IFT122: variants seen among roughly 807,000 people sequenced by gnomAD.
IFT122 encodes the protein intraflagellar transport protein 122 homolog.
IFT122 carries 118 observed loss-of-function variants against 161.6 expected under a neutral mutation model. That is an observed-to-expected ratio of 0.73 (90% CI 0.63 to 0.85). IFT122 has a LOEUF of 0.85. Among genes scored for constraint, IFT122 ranks in the 40% least tolerant of loss-of-function variants. IFT122 has a pLI of 0.00. For missense variants in IFT122, 1,381 were observed against 1,579.6 expected (o/e 0.87, Z 2.13); for synonymous variants, 550 against 602.4 (o/e 0.91, Z 1.27).
intron 13 of IFT122, among the ~76,000 whole-genome samples, chr3:129,481,035 G>A (rs1179572302): frequency 6.6e-6 from 1 of 152,146 alleles, no homozygotes; most frequent in Non-Finnish European, 1.5e-5. Context: ...ACTGCGATCA[G>A]CCTGGGCAAC....
chr3:129,490,747 G>A (rs56097652), intron 16 of IFT122, among the ~76,000 whole-genome samples: 20,184 of 152,170 alleles, frequency 0.13, 1,714 homozygotes, highest in South Asian at 0.24. Context: ...CTCTCAAGGC[G>A]CTTTAAGGAA....
Position 129,500,033 on chromosome 3 carries a change from C to G in IFT122, c.2340C>G (p.Ala780=). ...TCTCAGCAGGAGAGCACGTCAAGGC[C>G]ATCGAGATCTGTGGTGACCATGGCT... ...MYISAGEHVK[A]IEICGDHGWV... is the part of the protein sequence containing the mutation. The change falls in exon 19 of 30, where the codon GCC becomes GCG. Residue 780 remains alanine (A), a synonymous_variant. Transcript: ENST00000348417. 1 of 1,614,218 alleles carries G rather than the reference C, an allele frequency of 6.2e-7. No homozygotes were observed.
intron 1 of IFT122, among the ~76,000 whole-genome samples, chr3:129,447,135 A>C (rs1039183545): frequency 6.6e-6 from 1 of 152,176 alleles, no homozygotes; most frequent in Non-Finnish European, 1.5e-5. Flanking sequence ...TGGCAAGAAG[A>C]GTCAAACTGC....
rs1341297804 is a variant in IFT122, at chr3:129,483,550, A to C, written c.1719A>C (p.Gly573=). The C allele has an allele frequency of 3.1e-6, 5 of 1,613,894 alleles. No homozygotes were observed. The highest frequency in any genetic ancestry group is 2.7e-5 in the African/African-American group (2 of 74,862). Residue 573 remains glycine (G), a synonymous_variant, in exon 15 of 30, where the codon GGA becomes GGC. Coordinates refer to ENST00000348417, the MANE Select transcript of IFT122 (RefSeq NM_052989.3). The part of the protein sequence containing the change: ...QCEDMLCFSG[G]GYLNIKASTF... ...AGGACATGCTCTGCTTCTCGGGAGGAGGCTACCTCAACATCAAAGCCAGCA... is the reference window on the plus strand; with the variant it reads ...AGGACATGCTCTGCTTCTCGGGAGGCGGCTACCTCAACATCAAAGCCAGCA...
chr3:129,509,991 A>C (rs529817221), intron 23 of IFT122, among the ~76,000 whole-genome samples: 2 of 152,340 alleles, frequency 1.3e-5, no homozygotes, highest in East Asian at 3.9e-4. Flanking sequence ...CCTAGGTGGC[A>C]GCTATCCTTA....
At chr3:129,462,813 T>TG (rs1280890516) in intron 5 of IFT122, among the ~76,000 whole-genome samples, 3 of 152,194 alleles carry the variant, frequency 2.0e-5, no homozygotes, top group Non-Finnish European at 4.4e-5. Flanking sequence ...CCAGGGCATC[T>TG]GGGACAGGGG....
intron 9 of IFT122, among the ~76,000 whole-genome samples, chr3:129,474,207 GT>G: frequency 6.6e-6 from 1 of 152,264 alleles, no homozygotes; most frequent in Non-Finnish European, 1.5e-5. Context: ...TTTATAATCT[GT>G]TCAAAATTGG....
intron 23 of IFT122, 25 bp from the exon 24 acceptor site, chr3:129,512,287 C>T (rs1477083303): frequency 1.9e-6 from 3 of 1,544,476 alleles, no homozygotes; most frequent in African/African-American, 2.7e-5. Flanking sequence ...GAACTCAATC[C>T]CTGTTTGCTT....
intron 8 of IFT122, 81 bp downstream of exon 8, chr3:129,467,147 CTT>C (rs1471843112): frequency 1.4e-6 from 2 of 1,406,614 alleles, no homozygotes; most frequent in East Asian, 4.8e-5. Flanking sequence ...ATGTTAAACT[CTT>C]TGGCCAAGGG....
chr3:129,498,653 A>G (rs1454404412), intron 18 of IFT122, among the ~76,000 whole-genome samples: 2 of 152,218 alleles, frequency 1.3e-5, no homozygotes, highest in East Asian at 1.9e-4. Flanking sequence ...CAAATGAGGG[A>G]AAAAAGCGAG....
At chr3:129,451,271 ATT>A (rs562100319) in intron 2 of IFT122, among the ~76,000 whole-genome samples, 1 of 150,148 alleles carries the variant, frequency 6.7e-6, no homozygotes, top group African/African-American at 2.5e-5. Flanking sequence ...CCTAATTTTT[ATT>A]TTTTTTTATT....
At chr3:129,466,215 T>C (rs1398306146) in intron 7 of IFT122, among the ~76,000 whole-genome samples, 1 of 152,210 alleles carries the variant, frequency 6.6e-6, no homozygotes, top group Non-Finnish European at 1.5e-5. Context: ...CTCAATGTCA[T>C]TTTACAGATG....
chr3:129,474,788 C>G (rs1020494752), intron 9 of IFT122, among the ~76,000 whole-genome samples: 1 of 152,254 alleles, frequency 6.6e-6, no homozygotes, highest in East Asian at 1.9e-4. Context: ...AGAGAAAAGA[C>G]AACCCACAGA....
chr3:129,517,183 GAGACTGCCCCTACACACACACAC>G (rs1560026912), intron 26 of IFT122, among the ~76,000 whole-genome samples: 13 of 131,018 alleles, frequency 9.9e-5, no homozygotes, highest in South Asian at 2.5e-4. Flanking sequence ...CACACACACA[GAGACTGCCCCTACACACACACAC>G]AGACTGCCCC....
At chr3:129,471,423 ATTC>A (rs1277027842) in intron 9 of IFT122, among the ~76,000 whole-genome samples, 2 of 152,152 alleles carry the variant, frequency 1.3e-5, no homozygotes, top group Non-Finnish European at 2.9e-5. Flanking sequence ...GTACATCATC[ATTC>A]AACAGATACT....
intron 1 of IFT122, among the ~76,000 whole-genome samples, chr3:129,448,516 G>C (rs1232977573): frequency 6.6e-6 from 1 of 152,112 alleles, no homozygotes; most frequent in African/African-American, 2.4e-5. Flanking sequence ...TATGCAGTTG[G>C]GTTATTTACG....
chr3:129,466,136 A>G (rs2076749521), intron 7 of IFT122, among the ~76,000 whole-genome samples: 1 of 152,154 alleles, frequency 6.6e-6, no homozygotes. Context: ...ATCCTATAAT[A>G]TTATTAAACC....
chr3:129,484,018 C>T (rs76523131), intron 15 of IFT122: 4,697 of 380,560 alleles, frequency 0.012, 182 homozygotes, highest in African/African-American at 0.091. Flanking sequence ...GCCGGGAGTC[C>T]GGCAGGGTGT....
chr3:129,463,332 A>G (rs185820979), intron 5 of IFT122: 92 of 499,088 alleles, frequency 1.8e-4, no homozygotes, highest in Admixed American at 1.4e-3. Flanking sequence ...AGTTATCTCC[A>G]AACCCTGGTA....
Sources: allele counts gnomAD v4.1 joint callset (sites outside exome capture counted in the v4.1 genomes callset), GRCh38; gene constraint gnomAD v4.1.1; transcripts MANE v1.5; gene names NCBI Gene and HGNC (gene_info 2026-07-23, HGNC 2026-07-21).